ZDHHC3: variants seen among roughly 807,000 people sequenced by gnomAD.
The protein encoded by ZDHHC3 is zDHHC palmitoyltransferase 3.
ZDHHC3 carries 9 observed loss-of-function variants against 30.6 expected under a neutral mutation model. That is an observed-to-expected ratio of 0.29 (90% CI 0.18 to 0.51). The LOEUF (loss-of-function observed/expected upper bound fraction) is 0.51. ZDHHC3 is among the 20% of genes least tolerant of loss of function. The pLI, the probability that ZDHHC3 is intolerant of heterozygous loss-of-function variation, is 0.97. For synonymous variants in ZDHHC3, 136 were observed against 140.2 expected, an observed-to-expected ratio of 0.97 and a Z score of 0.21; for missense variants, 246 against 384.2, an observed-to-expected ratio of 0.64 and a Z score of 3.01.
chr3:44,966,787 C>A (rs1704987974), intron 1 of ZDHHC3, among the ~76,000 whole-genome samples: 1 of 152,118 alleles, frequency 6.6e-6, no homozygotes, highest in South Asian at 2.1e-4. Flanking sequence ...AGATGAGTCT[C>A]AGAAAAACAA....
rs1303070238 is a variant in ZDHHC3, at chr3:44,917,330, C to T, written c.*9359G>A. ...GGCAGCCACCTCTACCTCCTAATTTCGGCAGGCAGCATGGGGAAGCCCTTT... is the reference window on the plus strand; with the variant it reads ...GGCAGCCACCTCTACCTCCTAATTTTGGCAGGCAGCATGGGGAAGCCCTTT... On this transcript the variant is annotated 3_prime_UTR_variant, in exon 7 of 7. Coordinates refer to ENST00000424952, the MANE Select transcript of ZDHHC3 (RefSeq NM_001135179.2). 2 of 162,244 alleles carry T rather than the reference C, an allele frequency of 1.2e-5. No individual in the cohort carries two copies. Among genetic ancestry groups the T allele is most frequent in the African/African-American group, 2.4e-5 (1 of 41,524 alleles). 10.1% of individuals were successfully genotyped at this position (162,244 alleles called of 1,614,324 possible).
chr3:44,958,604 C>A (rs943854916), intron 2 of ZDHHC3: 1 of 1,536,168 alleles, frequency 6.5e-7, no homozygotes, highest in Admixed American at 2.0e-5. Context: ...GCACTTGCTG[C>A]GGCCTGAAAC....
In ZDHHC3 at chr3:44,925,216, T is replaced by A. The variant is rs999534735; in HGVS notation, c.*1473A>T. ...GCATTTTGTTTCCATGTGGAAGCAC[T>A]GACAGAATTGAAAAGTGGCAGCATG... On this transcript the variant is annotated 3_prime_UTR_variant, in exon 7 of 7. Coordinates refer to ENST00000424952, the MANE Select transcript of ZDHHC3 (RefSeq NM_001135179.2). The A allele has an allele frequency of 2.3e-5, 23 of 985,764 alleles. No homozygotes were observed. The highest frequency in any genetic ancestry group is 2.8e-5 in the Non-Finnish European group (23 of 829,940). 61.1% of individuals were successfully genotyped at this position (985,764 alleles called of 1,614,324 possible).
Position 44,922,404 on chromosome 3 carries a change from A to T in ZDHHC3, c.*4285T>A, listed in dbSNP as rs1700656690. 1 of 985,252 alleles carries T rather than the reference A, an allele frequency of 1.0e-6. No individual in the cohort carries two copies. Among genetic ancestry groups the T allele is most frequent in the Non-Finnish European group, 1.2e-6 (1 of 829,928 alleles). The allele number at this position is 985,252 out of a possible 1,614,324, so 61.0% of individuals were successfully genotyped here. A position where few individuals can be genotyped will look rare whatever the true frequency, so the allele number is the denominator to read the frequency against. ...CTTGGTCTAGAGATGGGTTCCACTG[A>T]TGAGATGCACAAGGAGTGGTGGGCA... On this transcript the variant is annotated 3_prime_UTR_variant, in exon 7 of 7. Coordinates refer to ENST00000424952, the MANE Select transcript of ZDHHC3 (RefSeq NM_001135179.2).
At chr3:44,942,886 C>T (rs556845146) in intron 3 of ZDHHC3, among the ~76,000 whole-genome samples, 10 of 152,182 alleles carry the variant, frequency 6.6e-5, no homozygotes, top group Non-Finnish European at 1.3e-4. Context: ...TCCACCATAC[C>T]GGGCTATCCT....
chr3:44,975,734 C>G (rs1393633647), intron 1 of ZDHHC3, among the ~76,000 whole-genome samples, 199 bp downstream of exon 1: 1 of 151,028 alleles, frequency 6.6e-6, no homozygotes, highest in Non-Finnish European at 1.5e-5. Context: ...ACGTCCGCCC[C>G]TCCTTAGTCG....
chr3:44,948,183 G>A (rs969847473), intron 2 of ZDHHC3, among the ~76,000 whole-genome samples: 1 of 152,164 alleles, frequency 6.6e-6, no homozygotes, highest in African/African-American at 2.4e-5. Flanking sequence ...GTTTATTAGG[G>A]TGGGCAAATT....
Position 44,920,604 on chromosome 3 carries a change from A to T in ZDHHC3, c.*6085T>A, listed in dbSNP as rs1700526535. On this transcript the variant is annotated 3_prime_UTR_variant, in exon 7 of 7. Transcript: ENST00000424952. ...CTAGCTTGTTATGTATCAGAACTGG[A>T]ACCAGAACTAGTGTCTTTTTTTCTG... 1.0e-6 allele frequency: 1 copy of T among 985,320 alleles called. No individual in the cohort carries two copies. Among genetic ancestry groups the T allele is most frequent in the South Asian group, 4.7e-5 (1 of 21,292 alleles). 61.0% of individuals were successfully genotyped at this position (985,320 alleles called of 1,614,324 possible).
chr3:44,928,526 T>C (rs1348782245), intron 6 of ZDHHC3, among the ~76,000 whole-genome samples: 1 of 152,164 alleles, frequency 6.6e-6, no homozygotes, highest in African/African-American at 2.4e-5. Context: ...ATGGCTCTGC[T>C]TGTTCCTCAC....
chr3:44,976,142 G>C lies in ZDHHC3; in HGVS notation c.-234C>G, dbSNP rs983171189. ...TCGAGCTCTCCCGGCAGTGGCGGCG[G>C]CCGCGGCTGCAGGAGCGGCCGCCGC... On this transcript the variant is annotated 5_prime_UTR_variant, in exon 1 of 7. Coordinates refer to ENST00000424952, the MANE Select transcript of ZDHHC3 (RefSeq NM_001135179.2). 1 of 662,714 alleles carries C rather than the reference G, an allele frequency of 1.5e-6. No individual in the cohort carries two copies. Among genetic ancestry groups the C allele is most frequent in the African/African-American group, 1.9e-5 (1 of 52,556 alleles). The allele number at this position is 662,714 out of a possible 1,614,324, so 41.1% of individuals were successfully genotyped here. A position where few individuals can be genotyped will look rare whatever the true frequency, so the allele number is the denominator to read the frequency against.
chr3:44,939,633 C>T (rs181468315), intron 3 of ZDHHC3, among the ~76,000 whole-genome samples: 80 of 152,336 alleles, frequency 5.3e-4, no homozygotes, highest in South Asian at 2.1e-4. Context: ...GTTGGCTCAG[C>T]GGCAGAGAGG....
At chr3:44,927,423 C>G (rs1014634460) in intron 6 of ZDHHC3, among the ~76,000 whole-genome samples, 1 of 152,190 alleles carries the variant, frequency 6.6e-6, no homozygotes, top group Non-Finnish European at 1.5e-5. Flanking sequence ...AGCAGCACCC[C>G]GCTTAGTGGG....
chr3:44,937,942 C>T (rs1005110454), intron 3 of ZDHHC3: 46 of 474,068 alleles, frequency 9.7e-5, no homozygotes, highest in Non-Finnish European at 1.7e-4. Context: ...AAGGAACTGC[C>T]GTGAGACAGA....
chr3:44,960,452 C>G (rs910724237), intron 1 of ZDHHC3, among the ~76,000 whole-genome samples: 7 of 152,240 alleles, frequency 4.6e-5, no homozygotes, highest in Non-Finnish European at 8.8e-5. Context: ...GAGCAAAGCA[C>G]TCTTTCTCTC....
Position 44,917,676 on chromosome 3 carries a change from A to G in ZDHHC3, c.*9013T>C. On this transcript the variant is annotated 3_prime_UTR_variant, in exon 7 of 7. Transcript: ENST00000424952. ...ACTCTTCTTAGATGAACTCTGAGAAAGCCCCCATCCTCCTCTGATGTCCCC... is the reference window on the plus strand; with the variant it reads ...ACTCTTCTTAGATGAACTCTGAGAAGGCCCCCATCCTCCTCTGATGTCCCC... 1 of 384,240 alleles carries G rather than the reference A, an allele frequency of 2.6e-6. No individual in the cohort carries two copies. Among genetic ancestry groups the G allele is most frequent in the South Asian group, 2.1e-5 (1 of 47,076 alleles). 23.8% of individuals were successfully genotyped at this position (384,240 alleles called of 1,614,324 possible).
At chr3:44,945,630 T>C (rs1702856886) in intron 2 of ZDHHC3, among the ~76,000 whole-genome samples, 1 of 152,120 alleles carries the variant, frequency 6.6e-6, no homozygotes, top group Non-Finnish European at 1.5e-5. Context: ...TAATCTCGGC[T>C]TGCTGCAACC....
At chr3:44,936,009 T>C (rs1701932585) in intron 3 of ZDHHC3, among the ~76,000 whole-genome samples, 1 of 152,116 alleles carries the variant, frequency 6.6e-6, no homozygotes, top group Admixed American at 6.5e-5. Flanking sequence ...AATTGACAAA[T>C]GGGATCTACT....
chr3:44,918,937 G>A lies in ZDHHC3; in HGVS notation c.*7752C>T. The A allele has an allele frequency of 2.0e-6, 2 of 985,590 alleles. No homozygotes were observed. The highest frequency in any genetic ancestry group is 2.4e-6 in the Non-Finnish European group (2 of 830,082). The allele number at this position is 985,590 out of a possible 1,614,324, so 61.1% of individuals were successfully genotyped here. A position where few individuals can be genotyped will look rare whatever the true frequency, so the allele number is the denominator to read the frequency against. On this transcript the variant is annotated 3_prime_UTR_variant, in exon 7 of 7. Transcript: ENST00000424952. ...GCACAGAGGCCTTTGACCCTCCACT[G>A]GGGGCACTGCTTTCTCCATCTCTTC...
intron 6 of ZDHHC3, among the ~76,000 whole-genome samples, chr3:44,928,500 G>T (rs1701200911): frequency 6.6e-6 from 1 of 152,164 alleles, no homozygotes. Context: ...ATCGTACCGG[G>T]ATGGCTCTCA....
Sources: allele counts gnomAD v4.1 joint callset (sites outside exome capture counted in the v4.1 genomes callset), GRCh38; gene constraint gnomAD v4.1.1; transcripts MANE v1.5; gene names NCBI Gene and HGNC (gene_info 2026-07-23, HGNC 2026-07-21).